CPNE1: variants seen among roughly 807,000 people sequenced by gnomAD.
The protein encoded by CPNE1 is copine 1.
A neutral mutation model predicts 63.2 loss-of-function variants in CPNE1; 58 were observed. The ratio of observed to expected loss-of-function variants is 0.92; its 90% CI spans 0.74 to 1.14. The LOEUF is 1.14. Ranked by LOEUF, CPNE1 falls within the 50% of genes most tolerant of loss-of-function variation. CPNE1 has a pLI of 0.00. For synonymous variants in CPNE1, 237 were observed against 249.0 expected (o/e 0.95, Z 0.45); for missense variants, 672 against 661.7 (o/e 1.02, Z -0.17).
At chr20:35,654,936 T>C (rs1342549706) in intron 1 of CPNE1, 19 of 1,614,152 alleles carry the variant, frequency 1.2e-5, no homozygotes, top group Non-Finnish European at 1.6e-5. Context: ...CACTGGGTGA[T>C]GGATTATTAA....
At chr20:35,663,339 T>C (rs1458599285) in intron 1 of CPNE1, among the ~76,000 whole-genome samples, 1 of 152,214 alleles carries the variant, frequency 6.6e-6, no homozygotes, top group Non-Finnish European at 1.5e-5. Context: ...ATTAACAATA[T>C]ACACTAGTTA....
rs149208406 is a variant in CPNE1, at chr20:35,643,767, C to T, written c.1-10844G>A. ...AAACAACAAAGTAAGTTCAGGTCCC[C>T]CTCTGCAATCATAAGCTTGACCGTG... On this transcript the variant is annotated intron_variant, in intron 1 of 15. Coordinates refer to ENST00000397443, the MANE Select transcript of CPNE1 (RefSeq NM_152925.3). 1.1e-4 allele frequency among the ~76,000 whole-genome samples: 16 copies of T among 152,234 alleles called. No homozygotes were observed. In the East Asian group the frequency reaches 2.9e-3, roughly 28 times the overall value.
intron 1 of CPNE1, among the ~76,000 whole-genome samples, chr20:35,640,514 G>A (rs1053111420): frequency 6.6e-6 from 1 of 151,998 alleles, no homozygotes; most frequent in Non-Finnish European, 1.5e-5. Flanking sequence ...AGCACATCTT[G>A]GCTCGATGTC....
intron 1 of CPNE1, among the ~76,000 whole-genome samples, chr20:35,656,282 G>A (rs1461629083): frequency 2.0e-5 from 3 of 152,074 alleles, no homozygotes; most frequent in African/African-American, 7.2e-5. Context: ...GGTTGTTACA[G>A]TCTTGGACCT....
At chr20:35,661,603 TCAACTTGA>T (rs1447433922) in intron 1 of CPNE1, among the ~76,000 whole-genome samples, 1 of 152,168 alleles carries the variant, frequency 6.6e-6, no homozygotes, top group African/African-American at 2.4e-5. Context: ...AAGGCTTGCT[TCAACTTGA>T]CAAAATACCG....
intron 1 of CPNE1, among the ~76,000 whole-genome samples, chr20:35,648,630 A>C (rs2033294845): frequency 6.6e-6 from 1 of 152,138 alleles, no homozygotes; most frequent in Non-Finnish European, 1.5e-5. Context: ...TACAAGCTAA[A>C]CTCTTTCAAG....
At chr20:35,655,432 G>C (rs747992535) in intron 1 of CPNE1, 2 of 1,148,804 alleles carry the variant, frequency 1.7e-6, no homozygotes, top group Admixed American at 2.8e-5. Flanking sequence ...TACCATATTA[G>C]GCCCTCAAAT....
intron 1 of CPNE1, among the ~76,000 whole-genome samples, chr20:35,640,515 G>A (rs771129933): frequency 6.6e-6 from 1 of 151,942 alleles, no homozygotes; most frequent in Non-Finnish European, 1.5e-5. Flanking sequence ...GCACATCTTG[G>A]CTCGATGTCT....
At chr20:35,657,377 T>C (rs1196132200) in intron 1 of CPNE1, among the ~76,000 whole-genome samples, 1 of 152,238 alleles carries the variant, frequency 6.6e-6, no homozygotes, top group Non-Finnish European at 1.5e-5. Flanking sequence ...ATGCAAAATG[T>C]GATAGCATTT....
intron 1 of CPNE1, chr20:35,643,371 A>T (rs1352392330): frequency 6.6e-6 from 1 of 152,250 alleles, no homozygotes; most frequent in Non-Finnish European, 1.5e-5. Context: ...GGCTCTCAAA[A>T]GCAGGATAGG....
intron 1 of CPNE1, chr20:35,655,042 T>G: frequency 6.2e-7 from 1 of 1,614,202 alleles, no homozygotes; most frequent in Admixed American, 1.7e-5. Context: ...TATATCTAAG[T>G]TGGCAGTTTC....
chr20:35,639,271 G>A (rs2032665594), intron 1 of CPNE1, among the ~76,000 whole-genome samples: 1 of 152,134 alleles, frequency 6.6e-6, no homozygotes, highest in Non-Finnish European at 1.5e-5. Context: ...TGAAATGGCG[G>A]ATATATGGGT....
chr20:35,664,034 TTAC>T (rs1048385516), intron 1 of CPNE1, among the ~76,000 whole-genome samples: 5 of 152,098 alleles, frequency 3.3e-5, no homozygotes, highest in Admixed American at 3.3e-4. Flanking sequence ...GCCTGGCATC[TTAC>T]TACAATTCTC....
intron 1 of CPNE1, chr20:35,643,197 T>C (rs1218080187): frequency 1.2e-5 from 2 of 161,992 alleles, no homozygotes; most frequent in East Asian, 1.9e-4. Flanking sequence ...CAGGGTTGAT[T>C]TGGCTGATCT....
chr20:35,653,595 A>C (rs768504368), intron 1 of CPNE1: 2 of 1,614,238 alleles, frequency 1.2e-6, no homozygotes, highest in South Asian at 2.2e-5. Context: ...TATCAACAAG[A>C]ACATGTACAG....
intron 1 of CPNE1, among the ~76,000 whole-genome samples, chr20:35,660,233 C>T (rs747307327): frequency 6.6e-6 from 1 of 151,576 alleles, no homozygotes; most frequent in Non-Finnish European, 1.5e-5. Context: ...GACAGGGTAT[C>T]GCTCTGTCGC....
intron 1 of CPNE1, chr20:35,655,402 T>C: frequency 2.1e-6 from 3 of 1,409,314 alleles, no homozygotes; most frequent in South Asian, 1.4e-5. Context: ...ACCAAGTTTT[T>C]AGCTACAAGA....
chr20:35,649,135 T>C (rs1384725727), intron 1 of CPNE1: 1 of 152,484 alleles, frequency 6.6e-6, no homozygotes, highest in Non-Finnish European at 1.5e-5. Flanking sequence ...AGTAAAACAA[T>C]TTAAATGTGG....
chr20:35,659,124 A>G (rs1215304176), intron 1 of CPNE1: 1 of 409,678 alleles, frequency 2.4e-6, no homozygotes, highest in Admixed American at 4.4e-5. Flanking sequence ...AGAGTACTTC[A>G]TTAGAATGCA....
Sources: gnomAD v4.1 joint callset for allele counts (sites outside exome capture counted in the v4.1 genomes callset) on GRCh38, gnomAD v4.1.1 for gene constraint, MANE v1.5 for transcripts, NCBI Gene and HGNC (gene_info 2026-07-23, HGNC 2026-07-21) for gene names.